ADAMTSL1: variants seen among roughly 807,000 people sequenced by gnomAD.
ADAMTSL1 encodes the protein ADAMTS like 1.
A neutral mutation model predicts 201.8 loss-of-function variants in ADAMTSL1; 126 were observed. The ratio of observed to expected loss-of-function variants is 0.62; its 90% confidence interval spans 0.54 to 0.72. The LOEUF (loss-of-function observed/expected upper bound fraction) is 0.72. Ranked by LOEUF, ADAMTSL1 falls within the 30% of genes least tolerant of loss-of-function variation. The pLI is 0.00. For missense variants in ADAMTSL1, 2,679 were observed against 2,277.8 expected, an observed-to-expected ratio of 1.18 and a Z score of -3.59; for synonymous variants, 1,121 against 903.4, an observed-to-expected ratio of 1.24 and a Z score of -4.32.
rs901448225 is a variant in ADAMTSL1, at chr9:18,519,735, G to A, written c.192-13512G>A. Among the ~76,000 whole-genome samples, 3 of 152,226 alleles carry A rather than the reference G, an allele frequency of 2.0e-5. No homozygotes were observed. In the East Asian group the frequency reaches 5.8e-4, roughly 29 times the overall value. ...TTGGAAAACATTATACAAAAAGCGT[G>A]TTAACCAGGAAGCACTGCCCAGGAC... On this transcript the variant is annotated intron_variant, in intron 2 of 28. Transcript: ENST00000380548.
chr9:18,315,298 G>A (rs1834336728), intron 2 of ADAMTSL1, among the ~76,000 whole-genome samples: 1 of 152,162 alleles, frequency 6.6e-6, no homozygotes, highest in Non-Finnish European at 1.5e-5. Flanking sequence ...CCTGACTCAG[G>A]AGCCCAGCTG....
intron 2 of ADAMTSL1, among the ~76,000 whole-genome samples, chr9:18,411,967 G>A (rs1174580168): frequency 1.3e-5 from 2 of 152,264 alleles, no homozygotes; most frequent in East Asian, 3.9e-4. Flanking sequence ...TGATACACTG[G>A]AAATTGCACA....
At chr9:18,406,190 G>C (rs1044818812) in intron 2 of ADAMTSL1, among the ~76,000 whole-genome samples, 2 of 152,134 alleles carry the variant, frequency 1.3e-5, no homozygotes, top group African/African-American at 4.8e-5. Flanking sequence ...GCATGAGGGA[G>C]GAGAGAAATC....
At chr9:18,713,573 A>G (rs890462993) in intron 14 of ADAMTSL1, among the ~76,000 whole-genome samples, 30 of 151,380 alleles carry the variant, frequency 2.0e-4, no homozygotes, top group African/African-American at 7.0e-4. Flanking sequence ...TATGCACCCA[A>G]TACAGGAGCA....
intron 2 of ADAMTSL1, among the ~76,000 whole-genome samples, chr9:18,388,352 C>T (rs1244238513): frequency 1.3e-5 from 2 of 152,102 alleles, no homozygotes; most frequent in Admixed American, 6.6e-5. Flanking sequence ...CTCACTGCTG[C>T]AGCCCTTACC....
chr9:18,075,142 G>A (rs1349389638), intron 1 of ADAMTSL1, among the ~76,000 whole-genome samples: 2 of 151,834 alleles, frequency 1.3e-5, no homozygotes, highest in African/African-American at 2.4e-5. Context: ...CTTCTGTGAG[G>A]GGGAGGGAAA....
rs140097467 is a variant in ADAMTSL1, at chr9:18,281,791, A to C, written c.207+117810A>C. ...TCCTGTTTTGCTCAGGCTGGTCTTG[A>C]ACTCCTGGCCTCAAGTGATCCTCCT... On this transcript the variant is annotated intron_variant, in intron 2 of 29. Transcript: ENST00000680146. Among the ~76,000 whole-genome samples the C allele has an allele frequency of 8.8e-4, 134 of 152,136 alleles. 1 individual carries two copies. The highest frequency in any genetic ancestry group is 3.1e-3 in the African/African-American group (130 of 41,510).
At chr9:18,571,260 G>T (rs893655983) in intron 3 of ADAMTSL1, among the ~76,000 whole-genome samples, 3 of 152,110 alleles carry the variant, frequency 2.0e-5, no homozygotes, top group Non-Finnish European at 2.9e-5. Context: ...ATATTAAGAG[G>T]TCTCTTAATT....
chr9:18,516,019 G>C (rs995490105), intron 2 of ADAMTSL1, among the ~76,000 whole-genome samples: 1 of 148,796 alleles, frequency 6.7e-6, no homozygotes, highest in Non-Finnish European at 1.5e-5. Context: ...CCACAGAGTT[G>C]AGTTGAGTTG....
At chr9:17,955,595 A>C (rs912397153) in intron 1 of ADAMTSL1, among the ~76,000 whole-genome samples, 16 of 152,190 alleles carry the variant, frequency 1.1e-4, no homozygotes, top group Non-Finnish European at 1.9e-4. Flanking sequence ...AGCATGATGA[A>C]ATCTTGCTCC....
At chr9:18,549,540 A>T (rs923830037) in intron 3 of ADAMTSL1, among the ~76,000 whole-genome samples, 2 of 152,046 alleles carry the variant, frequency 1.3e-5, no homozygotes, top group Non-Finnish European at 2.9e-5. Context: ...AAGGGGTATG[A>T]GAGTGTGTAT....
At chr9:18,399,526 A>G (rs1817901578) in intron 2 of ADAMTSL1, among the ~76,000 whole-genome samples, 1 of 147,568 alleles carries the variant, frequency 6.8e-6, no homozygotes, top group Non-Finnish European at 1.5e-5. Context: ...ATTTTTTTGT[A>G]GAGACAGGGT....
chr9:18,784,331 CT>C (rs1445889029), intron 19 of ADAMTSL1, among the ~76,000 whole-genome samples: 2 of 152,108 alleles, frequency 1.3e-5, no homozygotes, highest in Non-Finnish European at 2.9e-5. Context: ...AAGAATGTGT[CT>C]TATTTTCTCC....
chr9:18,491,160 G>A (rs1387727351), intron 1 of ADAMTSL1, among the ~76,000 whole-genome samples: 3 of 152,162 alleles, frequency 2.0e-5, no homozygotes, highest in African/African-American at 4.8e-5. Context: ...GGCAAATGGG[G>A]TAGTAAACCA....
At chr9:17,914,701 G>A (rs1256375240) in intron 1 of ADAMTSL1, among the ~76,000 whole-genome samples, 7 of 151,970 alleles carry the variant, frequency 4.6e-5, no homozygotes, top group African/African-American at 1.7e-4. Context: ...GAAATAAACG[G>A]TATTCAATTA....
chr9:18,174,192 CT>C (rs1428209708), intron 2 of ADAMTSL1, among the ~76,000 whole-genome samples: 1 of 152,092 alleles, frequency 6.6e-6, no homozygotes, highest in Non-Finnish European at 1.5e-5. Context: ...GCAAATTCAC[CT>C]TATGGAAAGG....
In ADAMTSL1 at chr9:18,761,953, T is replaced by C. The variant is rs555161894; in HGVS notation, c.2217+8445T>C. On this transcript the variant is annotated intron_variant, in intron 16 of 28. Coordinates refer to ENST00000380548, the MANE Select transcript of ADAMTSL1 (RefSeq NM_001040272.6). ...CACTGGGTGAAACCCACTGCTGCCTTACTGCAAAGCAGCTTCTGGCTAATG... is the reference window on the plus strand; with the variant it reads ...CACTGGGTGAAACCCACTGCTGCCTCACTGCAAAGCAGCTTCTGGCTAATG... Among the ~76,000 whole-genome samples, 3 of 152,332 alleles carry C rather than the reference T, an allele frequency of 2.0e-5. No homozygotes were observed. In the South Asian group the frequency reaches 6.2e-4, roughly 32 times the overall value.
intron 1 of ADAMTSL1, among the ~76,000 whole-genome samples, chr9:18,121,978 C>T (rs1825519789): frequency 1.3e-5 from 2 of 152,116 alleles, no homozygotes; most frequent in Non-Finnish European, 2.9e-5. Context: ...CTGAACCAGA[C>T]ATAAAAGGCC....
chr9:18,833,790 G>A lies in ADAMTSL1; in HGVS notation c.4249+3813G>A, dbSNP rs78759556. On this transcript the variant is annotated intron_variant, in intron 23 of 28. Transcript: ENST00000380548. The stretch of plus-strand genomic sequence containing the variant: ...TGCCTATGTTCTGAATGGCAATGCC[G>A]AGGTTGTCTTCTAGGGTTTTTACAG... 9.4e-4 allele frequency among the ~76,000 whole-genome samples: 143 copies of A among 152,166 alleles called. 1 individual carries two copies. Among genetic ancestry groups the A allele is most frequent in the African/African-American group, 3.3e-3 (137 of 41,514 alleles).
Sources: gnomAD v4.1 joint callset for allele counts (sites outside exome capture counted in the v4.1 genomes callset) on GRCh38, gnomAD v4.1.1 for gene constraint, MANE v1.5 for transcripts, NCBI Gene and HGNC (gene_info 2026-07-23, HGNC 2026-07-21) for gene names.